Variants in LRP1B observed in about 807,000 individuals in gnomAD.
LRP1B encodes the protein LDL receptor related protein 1B, also known as low-density lipoprotein receptor-related protein 1B.
Under a neutral mutation model 556.6 loss-of-function variants are expected in LRP1B, and 217 were observed. The observed-to-expected ratio is 0.39, with a 90% CI of 0.35 to 0.44. The LOEUF (loss-of-function observed/expected upper bound fraction) is 0.44, where lower values mean the gene tolerates loss of function less well. LRP1B is among the 20% of genes least tolerant of loss of function. The pLI is 1.00. For synonymous variants in LRP1B, 2,047 were observed against 1,865.8 expected (o/e 1.10, Z -2.50); for missense variants, 5,053 against 5,620.8 (o/e 0.90, Z 3.23).
chr2:141,844,513 C>G (rs1485699455), intron 1 of LRP1B, among the ~76,000 whole-genome samples: 5 of 151,870 alleles, frequency 3.3e-5, no homozygotes, highest in Non-Finnish European at 7.4e-5. Context: ...TGATATTAAC[C>G]CAGCACTTAG....
chr2:141,214,581 T>C (rs1682712220), intron 6 of LRP1B, among the ~76,000 whole-genome samples: 1 of 152,208 alleles, frequency 6.6e-6, no homozygotes, highest in Non-Finnish European at 1.5e-5. Context: ...AGTGATCCTG[T>C]ACTAACATTA....
At chr2:141,941,447 G>T (rs1700800694) in intron 1 of LRP1B, among the ~76,000 whole-genome samples, 1 of 152,340 alleles carries the variant, frequency 6.6e-6, no homozygotes, top group East Asian at 1.9e-4. Flanking sequence ...GCTTACAGCA[G>T]AGCCTCCTGC....
chr2:140,566,209 C>T (rs1188334697), intron 43 of LRP1B, among the ~76,000 whole-genome samples: 2 of 152,156 alleles, frequency 1.3e-5, no homozygotes, highest in Non-Finnish European at 2.9e-5. Context: ...CTAACCCCTT[C>T]GCCAGGGGGT....
At chr2:140,426,314 A>C (rs541338312) in intron 66 of LRP1B, among the ~76,000 whole-genome samples, 2 of 152,354 alleles carry the variant, frequency 1.3e-5, no homozygotes, top group East Asian at 3.9e-4. Context: ...TGAATTCTGA[A>C]AGAAAAAATG....
intron 3 of LRP1B, among the ~76,000 whole-genome samples, chr2:141,449,521 A>AT (rs1295608440): frequency 2.0e-5 from 3 of 152,136 alleles, no homozygotes; most frequent in Non-Finnish European, 4.4e-5. Flanking sequence ...TTTCTTCTCA[A>AT]TATCTTCCTA....
chr2:141,570,419 G>C (rs1686484688), intron 2 of LRP1B, among the ~76,000 whole-genome samples: 1 of 150,798 alleles, frequency 6.6e-6, no homozygotes, highest in African/African-American at 2.4e-5. Context: ...ACCCAAGATT[G>C]AAAGATCCCA....
At chr2:141,459,320 TA>T (rs1369420355) in intron 3 of LRP1B, among the ~76,000 whole-genome samples, 1 of 152,162 alleles carries the variant, frequency 6.6e-6, no homozygotes, top group Non-Finnish European at 1.5e-5. Flanking sequence ...ATCTCCTAAA[TA>T]AATTGAAAGA....
At chr2:141,439,084 AAAAC>A (rs1214166540) in intron 3 of LRP1B, among the ~76,000 whole-genome samples, 2 of 152,162 alleles carry the variant, frequency 1.3e-5, no homozygotes, top group African/African-American at 2.4e-5. Context: ...ATAAACCTGA[AAAAC>A]AACCCATACA....
At chr2:141,211,281 C>G (rs974081521) in intron 6 of LRP1B, among the ~76,000 whole-genome samples, 2 of 151,168 alleles carry the variant, frequency 1.3e-5, no homozygotes, top group African/African-American at 4.9e-5. Flanking sequence ...AGACACCATG[C>G]CCAGCCCATT....
intron 43 of LRP1B, among the ~76,000 whole-genome samples, chr2:140,586,160 A>G (rs1426716615): frequency 3.3e-5 from 5 of 152,168 alleles, no homozygotes; most frequent in Admixed American, 6.5e-5. Context: ...TCTAGAAATT[A>G]TACATAAAAC....
chr2:142,005,623 TAATA>T (rs1451219242), intron 1 of LRP1B, among the ~76,000 whole-genome samples: 1 of 152,168 alleles, frequency 6.6e-6, no homozygotes, highest in Non-Finnish European at 1.5e-5. Flanking sequence ...AGAAAAGAAT[TAATA>T]AATGTGAATC....
chr2:140,720,936 G>C (rs537109543), intron 35 of LRP1B, among the ~76,000 whole-genome samples: 1 of 152,196 alleles, frequency 6.6e-6, no homozygotes, highest in Non-Finnish European at 1.5e-5. Context: ...AGAAAACAAG[G>C]AGTCTAGGGC....
intron 27 of LRP1B, among the ~76,000 whole-genome samples, chr2:140,856,581 A>G (rs1430742796): frequency 6.6e-6 from 1 of 152,150 alleles, no homozygotes; most frequent in East Asian, 1.9e-4. Context: ...TGCTACTATA[A>G]CACAAAAGCA....
intron 66 of LRP1B, among the ~76,000 whole-genome samples, chr2:140,432,357 G>A (rs556755704): frequency 1.6e-4 from 25 of 152,270 alleles, no homozygotes; most frequent in African/African-American, 6.0e-4. Context: ...CAGCCTTGTT[G>A]CTCACACAAA....
chr2:140,506,957 C>T lies in LRP1B; in HGVS notation c.8399-39G>A, dbSNP rs562213539. 3.3e-5 allele frequency: 52 copies of T among 1,597,120 alleles called. No individual in the cohort carries two copies. The South Asian group carries it at 5.4e-4, about 17-fold the overall frequency. ...CACAAAAAATAAAGTTAGATGAGCA[C>T]ATATGTTATCTTCCCCTATATTAGG... On this transcript the variant is annotated intron_variant, in intron 52 of 90. Transcript: ENST00000389484.
intron 1 of LRP1B, among the ~76,000 whole-genome samples, chr2:141,997,232 T>C (rs925264216): frequency 4.6e-5 from 7 of 152,010 alleles, no homozygotes; most frequent in African/African-American, 1.7e-4. Context: ...AATTTCTAAA[T>C]CAAGACCTTT....
chr2:140,878,254 A>G (rs1410561784), intron 25 of LRP1B, among the ~76,000 whole-genome samples: 1 of 152,160 alleles, frequency 6.6e-6, no homozygotes, highest in Non-Finnish European at 1.5e-5. Flanking sequence ...AATAGGTACA[A>G]ATTTTTAAAA....
intron 1 of LRP1B, among the ~76,000 whole-genome samples, chr2:141,824,632 C>T (rs1574402388): frequency 6.6e-6 from 1 of 152,202 alleles, no homozygotes; most frequent in Admixed American, 6.5e-5. Flanking sequence ...GGATTACAGG[C>T]GTGAGCCACC....
chr2:140,250,685 T>A (rs1681373100), intron 86 of LRP1B, among the ~76,000 whole-genome samples: 1 of 151,726 alleles, frequency 6.6e-6, no homozygotes, highest in African/African-American at 2.4e-5. Flanking sequence ...TGAGAAATGT[T>A]AAAATTCAGA....
Sources: allele counts gnomAD v4.1 joint callset (sites outside exome capture counted in the v4.1 genomes callset), GRCh38; gene constraint gnomAD v4.1.1; transcripts MANE v1.5; gene names NCBI Gene and HGNC (gene_info 2026-07-23, HGNC 2026-07-21).